ARIH1: variants seen among roughly 807,000 people sequenced by gnomAD.
ARIH1 encodes E3 ubiquitin-protein ligase ARIH1.
ARIH1 carries 8 observed loss-of-function variants against 85.0 expected under a neutral mutation model. The observed-to-expected ratio is 0.09, with a 90% CI of 0.06 to 0.17. The LOEUF is 0.17. Among genes scored for constraint, ARIH1 ranks in the 10% least tolerant of loss-of-function variants. The pLI, the probability that ARIH1 is intolerant of heterozygous loss-of-function variation, is 1.00. For synonymous variants in ARIH1, 238 were observed against 253.6 expected, an observed-to-expected ratio of 0.94 and a Z score of 0.59; for missense variants, 311 against 718.1, an observed-to-expected ratio of 0.43 and a Z score of 6.48.
chr15:72,540,251 T>A (rs1383063893), intron 2 of ARIH1, among the ~76,000 whole-genome samples: 2 of 83,576 alleles, frequency 2.4e-5, no homozygotes, highest in East Asian at 3.2e-4. Flanking sequence ...AGAGCGAGAC[T>A]TTGTCTCAAA....
intron 3 of ARIH1, among the ~76,000 whole-genome samples, chr15:72,548,899 T>G (rs766418364): frequency 6.6e-6 from 1 of 152,190 alleles, no homozygotes; most frequent in Admixed American, 6.5e-5. Context: ...GATAGCTTAG[T>G]TTACAACCCT....
intron 1 of ARIH1, among the ~76,000 whole-genome samples, chr15:72,479,526 A>T (rs139717724): frequency 0.018 from 2,719 of 151,918 alleles, 68 homozygotes; most frequent in African/African-American, 0.062. Flanking sequence ...CTCCTGCCTC[A>T]GCCTCCTGAG....
intron 2 of ARIH1, among the ~76,000 whole-genome samples, chr15:72,544,130 A>G (rs1401236541): frequency 6.6e-6 from 1 of 152,134 alleles, no homozygotes; most frequent in Admixed American, 6.6e-5. Flanking sequence ...GCTAATATGT[A>G]ATTTATTTTA....
intron 1 of ARIH1, among the ~76,000 whole-genome samples, chr15:72,479,567 C>T (rs1000757234): frequency 6.6e-6 from 1 of 151,994 alleles, no homozygotes. Context: ...CGCCACCACA[C>T]CCAACTAATT....
At chr15:72,495,595 T>A (rs956463329) in intron 1 of ARIH1, among the ~76,000 whole-genome samples, 1 of 152,186 alleles carries the variant, frequency 6.6e-6, no homozygotes. Context: ...AACAAAAGTT[T>A]CCTGAAACTT....
intron 1 of ARIH1, among the ~76,000 whole-genome samples, chr15:72,511,824 T>C (rs986373157): frequency 5.9e-5 from 9 of 152,192 alleles, no homozygotes; most frequent in African/African-American, 2.2e-4. Flanking sequence ...GCAGCTGGCC[T>C]AGAAGTGCCT....
At chr15:72,483,780 T>G (rs1162611404) in intron 1 of ARIH1, among the ~76,000 whole-genome samples, 1 of 145,816 alleles carries the variant, frequency 6.9e-6, no homozygotes, top group African/African-American at 2.5e-5. Flanking sequence ...GGTAGGAATT[T>G]GAGATTCTCC....
intron 1 of ARIH1, among the ~76,000 whole-genome samples, chr15:72,500,882 A>C (rs1453148729): frequency 6.6e-6 from 1 of 152,230 alleles, no homozygotes; most frequent in Non-Finnish European, 1.5e-5. Context: ...TTAACTTCTA[A>C]AACTATGTAT....
chr15:72,516,273 A>G (rs1172056018), intron 1 of ARIH1, among the ~76,000 whole-genome samples: 1 of 152,160 alleles, frequency 6.6e-6, no homozygotes, highest in Non-Finnish European at 1.5e-5. Context: ...TAGTCATGCA[A>G]TTTTAGTTAA....
chr15:72,475,162 G>A, intron 1 of ARIH1, 148 bp downstream of exon 1: 1 of 1,380,404 alleles, frequency 7.2e-7, no homozygotes, highest in Non-Finnish European at 9.4e-7. Flanking sequence ...CTCTGCTGGG[G>A]ATAGAGGGTG....
chr15:72,535,895 C>G (rs781369397), intron 2 of ARIH1, among the ~76,000 whole-genome samples: 57 of 152,180 alleles, frequency 3.7e-4, no homozygotes, highest in Admixed American at 6.5e-4. Context: ...ACTGTAGTCT[C>G]TTTTGAAAAA....
chr15:72,564,274 T>G (rs1489876408), intron 7 of ARIH1, among the ~76,000 whole-genome samples: 1 of 152,192 alleles, frequency 6.6e-6, no homozygotes, highest in Non-Finnish European at 1.5e-5. Flanking sequence ...ACAAAACAAT[T>G]CAGCCAACTT....
chr15:72,509,448 A>G (rs1296995700), intron 1 of ARIH1, among the ~76,000 whole-genome samples: 1 of 152,206 alleles, frequency 6.6e-6, no homozygotes, highest in African/African-American at 2.4e-5. Context: ...AACCACCACC[A>G]TAGTTAATTT....
At chr15:72,500,500 G>A (rs1567340490) in intron 1 of ARIH1, among the ~76,000 whole-genome samples, 1 of 152,152 alleles carries the variant, frequency 6.6e-6, no homozygotes, top group Non-Finnish European at 1.5e-5. Flanking sequence ...TCAACTGGAA[G>A]ACTTGTGTCC....
At chr15:72,483,696 A>G (rs909635020) in intron 1 of ARIH1, among the ~76,000 whole-genome samples, 6 of 152,198 alleles carry the variant, frequency 3.9e-5, no homozygotes, top group African/African-American at 1.4e-4. Context: ...GCAAAACATT[A>G]TACCTGTAAA....
intron 5 of ARIH1, 37 bp downstream of exon 5, chr15:72,555,944 GTTAGTTGGTTAAACCAAA>G: frequency 1.3e-6 from 2 of 1,564,400 alleles, no homozygotes; most frequent in East Asian, 4.5e-5. Flanking sequence ...GTGAATATTG[GTTAGTTGGTTAAACCAAA>G]TTAATTTTTA....
rs2064311739 is a variant in ARIH1, at chr15:72,585,410, A to C, written c.*2118A>C. 1 of 152,130 alleles carries C rather than the reference A, an allele frequency of 6.6e-6. No homozygotes were observed. The highest frequency in any genetic ancestry group is 1.5e-5 in the Non-Finnish European group (1 of 68,022). The allele number at this position is 152,130 out of a possible 1,614,324, so 9.4% of individuals were successfully genotyped here. A position where few individuals can be genotyped will look rare whatever the true frequency, so the allele number is the denominator to read the frequency against. The stretch of plus-strand genomic sequence containing the variant: ...AAAAAGATATACATTAAAACTAAGG[A>C]GTTTTTTTAAAGAAAGCCTGAATAA... On this transcript the variant is annotated 3_prime_UTR_variant, in exon 14 of 14. Coordinates refer to ENST00000379887, the MANE Select transcript of ARIH1 (RefSeq NM_005744.5).
At chr15:72,545,291 A>G (rs978959995) in intron 3 of ARIH1, among the ~76,000 whole-genome samples, 1 of 152,208 alleles carries the variant, frequency 6.6e-6, no homozygotes, top group African/African-American at 2.4e-5. Context: ...CCAAATTAAA[A>G]TAGATTTAAA....
At chr15:72,533,079 C>T (rs1567348959) in intron 2 of ARIH1, among the ~76,000 whole-genome samples, 1 of 152,088 alleles carries the variant, frequency 6.6e-6, no homozygotes, top group Non-Finnish European at 1.5e-5. Context: ...AGTAGAACAT[C>T]AAAAAATGAA....
Sources: allele counts gnomAD v4.1 joint callset (sites outside exome capture counted in the v4.1 genomes callset), GRCh38; gene constraint gnomAD v4.1.1; transcripts MANE v1.5; gene names NCBI Gene and HGNC (gene_info 2026-07-23, HGNC 2026-07-21).